RNU6ATAC: variants seen among roughly 807,000 people sequenced by gnomAD.
The protein encoded by RNU6ATAC is RNA, U6atac small nuclear.
exon 1 of RNU6ATAC, chr9:134,164,509 G>A (rs782404664): frequency 1.3e-5 from 2 of 151,680 alleles, no homozygotes; most frequent in African/African-American, 4.8e-5. Context: ...CAGGCCCGAG[G>A]GCCTCTTCCA....
exon 1 of RNU6ATAC, chr9:134,164,451 T>C (rs1554729324): frequency 1.3e-5 from 2 of 148,500 alleles, no homozygotes; most frequent in South Asian, 2.1e-4. Context: ...AAAACGATGG[T>C]TAGATGCCAC....
chr9:134,164,502 G>T (rs1356400131), exon 1 of RNU6ATAC: 1 of 151,534 alleles, frequency 6.6e-6, no homozygotes, highest in African/African-American at 2.4e-5. Context: ...GTGTTGTCAG[G>T]CCCGAGGGCC....
At chr9:134,164,527 C>T (rs1341395865) in exon 1 of RNU6ATAC, 2 of 152,026 alleles carry the variant, frequency 1.3e-5, no homozygotes, top group African/African-American at 4.8e-5. Context: ...CCATCCTTGT[C>T]AAGGGGAGTG....
exon 1 of RNU6ATAC, chr9:134,164,546 C>T (rs782358078): frequency 5.3e-5 from 8 of 152,148 alleles, no homozygotes; most frequent in Non-Finnish European, 1.0e-4. Flanking sequence ...TGCTAACCTT[C>T]TCTCCTTTCA....
exon 1 of RNU6ATAC, chr9:134,164,469 G>T (rs1460371502): frequency 6.6e-6 from 1 of 152,014 alleles, no homozygotes; most frequent in African/African-American, 2.4e-5. Flanking sequence ...CACGAAGTAG[G>T]TGGCAATGCC....
At chr9:134,164,495 T>TA (rs1452458360) in exon 1 of RNU6ATAC, 1 of 152,060 alleles carries the variant, frequency 6.6e-6, no homozygotes, top group African/African-American at 2.4e-5. Context: ...CGTATGCGTG[T>TA]TGTCAGGCCC....
exon 1 of RNU6ATAC, chr9:134,164,525 G>A (rs1445714938): frequency 6.6e-6 from 1 of 151,442 alleles, no homozygotes; most frequent in African/African-American, 2.4e-5. Context: ...TTCCATCCTT[G>A]TCAAGGGGAG....
exon 1 of RNU6ATAC, chr9:134,164,501 G>A (rs893378303): frequency 1.3e-5 from 2 of 151,304 alleles, no homozygotes; most frequent in Non-Finnish European, 2.9e-5. Flanking sequence ...CGTGTTGTCA[G>A]GCCCGAGGGC....
chr9:134,164,532 G>T (rs549203728), exon 1 of RNU6ATAC: 1 of 152,020 alleles, frequency 6.6e-6, no homozygotes, highest in Non-Finnish European at 1.5e-5. Flanking sequence ...CTTGTCAAGG[G>T]GAGTGCTAAC....
exon 1 of RNU6ATAC, chr9:134,164,516 T>C (rs1317749509): frequency 6.6e-6 from 1 of 152,042 alleles, no homozygotes; most frequent in African/African-American, 2.4e-5. Context: ...GAGGGCCTCT[T>C]CCATCCTTGT....
At chr9:134,164,466 T>TA (rs1833023920) in exon 1 of RNU6ATAC, 1 of 149,928 alleles carries the variant, frequency 6.7e-6, no homozygotes, top group Non-Finnish European at 1.5e-5. Flanking sequence ...TGCCACGAAG[T>TA]AGGTGGCAAT....
chr9:134,164,475 A>C (rs1192896788), exon 1 of RNU6ATAC: 2 of 151,370 alleles, frequency 1.3e-5, no homozygotes, highest in Non-Finnish European at 2.9e-5. Flanking sequence ...GTAGGTGGCA[A>C]TGCCTTAACC....
exon 1 of RNU6ATAC, chr9:134,164,449 G>A (rs1554729320): frequency 1.3e-5 from 2 of 151,650 alleles, no homozygotes; most frequent in Non-Finnish European, 2.9e-5. Context: ...AAAAAACGAT[G>A]GTTAGATGCC....
exon 1 of RNU6ATAC, chr9:134,164,513 T>TC (rs1833026167): frequency 6.6e-6 from 1 of 151,850 alleles, no homozygotes; most frequent in African/African-American, 2.4e-5. Context: ...CCCGAGGGCC[T>TC]CTTCCATCCT....
chr9:134,164,471 G>A (rs150407745), exon 1 of RNU6ATAC: 8 of 152,064 alleles, frequency 5.3e-5, no homozygotes, highest in East Asian at 3.9e-4. Flanking sequence ...CGAAGTAGGT[G>A]GCAATGCCTT....
chr9:134,164,562 C>T (rs1327726888), exon 1 of RNU6ATAC: 1 of 152,188 alleles, frequency 6.6e-6, no homozygotes, highest in African/African-American at 2.4e-5. Flanking sequence ...TTTCATACAA[C>T]ACGCCTCGGC....
At chr9:134,164,519 A>C (rs1006219830) in exon 1 of RNU6ATAC, 3 of 151,290 alleles carry the variant, frequency 2.0e-5, no homozygotes, top group African/African-American at 4.9e-5. Flanking sequence ...GGCCTCTTCC[A>C]TCCTTGTCAA....
chr9:134,164,516 T>TA (rs782504973), exon 1 of RNU6ATAC: 6 of 152,042 alleles, frequency 3.9e-5, no homozygotes, highest in Non-Finnish European at 7.4e-5. Flanking sequence ...GAGGGCCTCT[T>TA]CCATCCTTGT....
exon 1 of RNU6ATAC, chr9:134,164,466 T>G (rs1833023863): frequency 6.7e-6 from 1 of 149,928 alleles, no homozygotes; most frequent in Non-Finnish European, 1.5e-5. Context: ...TGCCACGAAG[T>G]AGGTGGCAAT....
Sources: gnomAD v4.1 joint callset for allele counts on GRCh38, gnomAD v4.1.1 for gene constraint, MANE v1.5 for transcripts, NCBI Gene and HGNC (gene_info 2026-07-23, HGNC 2026-07-21) for gene names.